Variants in RBFOX1 observed in about 807,000 individuals in gnomAD.
The protein encoded by RBFOX1 is RNA binding protein fox-1 homolog 1.
RBFOX1 carries 8 observed loss-of-function variants against 57.7 expected under a neutral mutation model. That is an observed-to-expected ratio of 0.14 (90% CI 0.08 to 0.25). RBFOX1 has a LOEUF of 0.25. Among genes scored for constraint, RBFOX1 ranks in the 10% least tolerant of loss-of-function variants. The pLI is 1.00. For missense variants in RBFOX1, 611 were observed against 548.5 expected, an observed-to-expected ratio of 1.11 and a Z score of -1.14; for synonymous variants, 326 against 222.4, an observed-to-expected ratio of 1.47 and a Z score of -4.15.
intron 4 of RBFOX1, among the ~76,000 whole-genome samples, chr16:7,184,469 T>G (rs991321604): frequency 1.3e-5 from 2 of 152,242 alleles, no homozygotes; most frequent in African/African-American, 4.8e-5. Flanking sequence ...CTGCATTGCA[T>G]GCATGTTTTT....
At chr16:6,918,333 C>G (rs912109157) in intron 3 of RBFOX1, among the ~76,000 whole-genome samples, 8 of 151,514 alleles carry the variant, frequency 5.3e-5, no homozygotes, top group Non-Finnish European at 1.2e-4. Context: ...CCAGGCCTAC[C>G]GAATCAGACC....
In RBFOX1 at chr16:7,683,033, T is replaced by TATATATATATATAA. The variant is rs374375329; in HGVS notation, c.995+6196_995+6197insTATATATATATAAA. Among the ~76,000 whole-genome samples, 184 of 25,794 alleles carry TATATATATATATAA rather than the reference T, an allele frequency of 7.1e-3. 10 individuals are homozygous for TATATATATATATAA. Among genetic ancestry groups the TATATATATATATAA allele is most frequent in the Middle Eastern group, 0.017 (1 of 58 alleles). 16.9% of individuals were successfully genotyped at this position (25,794 alleles called of 152,430 possible). A position where few individuals can be genotyped will look rare whatever the true frequency, so the allele number is the denominator to read the frequency against. ...GTGTATATATATATATATATATATA[T>TATATATATATATAA]AAAACAGTGCTCCTCTTAAAGTGAT... On this transcript the variant is annotated intron_variant, in intron 14 of 15. Coordinates refer to ENST00000550418, the MANE Select transcript of RBFOX1 (RefSeq NM_018723.4).
At chr16:7,696,891 C>T (rs2078970283) in intron 14 of RBFOX1, among the ~76,000 whole-genome samples, 1 of 152,046 alleles carries the variant, frequency 6.6e-6, no homozygotes, top group Non-Finnish European at 1.5e-5. Context: ...GGTGCAGAGA[C>T]CCTGTGGTTG....
chr16:7,133,801 C>T (rs1263890859), intron 4 of RBFOX1, among the ~76,000 whole-genome samples: 1 of 152,038 alleles, frequency 6.6e-6, no homozygotes, highest in Non-Finnish European at 1.5e-5. Context: ...GAATGACTGA[C>T]ACAGCTTCTT....
intron 3 of RBFOX1, among the ~76,000 whole-genome samples, chr16:5,833,426 C>A (rs150198897): frequency 0.018 from 2,665 of 144,680 alleles, 74 homozygotes; most frequent in African/African-American, 0.063. Context: ...ACCCGGGAGG[C>A]GGAGCTTGCC....
intron 1 of RBFOX1, among the ~76,000 whole-genome samples, chr16:6,119,098 C>T (rs1046507337): frequency 2.0e-5 from 3 of 150,982 alleles, no homozygotes; most frequent in Admixed American, 6.6e-5. Context: ...ATAATATGTC[C>T]GAGTGTCAGT....
intron 2 of RBFOX1, among the ~76,000 whole-genome samples, chr16:5,526,491 G>C (rs537903697): frequency 1.3e-5 from 2 of 152,188 alleles, no homozygotes; most frequent in Admixed American, 1.3e-4. Context: ...GTTTTACCAT[G>C]TTGACCAGGC....
chr16:5,713,213 C>CT (rs1171817094), intron 3 of RBFOX1, among the ~76,000 whole-genome samples: 2 of 152,146 alleles, frequency 1.3e-5, no homozygotes, highest in Admixed American at 1.3e-4. Flanking sequence ...GGGCTAATTT[C>CT]TTTTGTTACT....
rs138034481 is a variant in RBFOX1, at chr16:5,888,548, C to A, written c.351+21213C>A. 3.1e-3 allele frequency among the ~76,000 whole-genome samples: 478 copies of A among 152,182 alleles called. 4 individuals carry two copies. Among genetic ancestry groups the A allele is most frequent in the Admixed American group, 5.0e-3 (76 of 15,288 alleles). ...CAGTGGCTCACGCCTGTAATCCCAG[C>A]ACTTTGGGAGACTGAGTTGGGCAGA... is the stretch of plus-strand genomic sequence containing the variant. On this transcript the variant is annotated intron_variant, in intron 4 of 19. Transcript: ENST00000641259.
chr16:6,616,416 C>T (rs989026307), intron 2 of RBFOX1, among the ~76,000 whole-genome samples: 27 of 151,870 alleles, frequency 1.8e-4, no homozygotes, highest in Non-Finnish European at 3.2e-4. Flanking sequence ...ATGGCTCACG[C>T]CTGTAATCCC....
intron 3 of RBFOX1, among the ~76,000 whole-genome samples, chr16:5,840,464 A>G (rs1257574292): frequency 6.6e-6 from 1 of 152,152 alleles, no homozygotes; most frequent in Admixed American, 6.5e-5. Flanking sequence ...TTTTGTGCTG[A>G]TAGGCCTGGC....
chr16:6,846,754 C>T (rs2093776198), intron 3 of RBFOX1, among the ~76,000 whole-genome samples: 1 of 152,082 alleles, frequency 6.6e-6, no homozygotes, highest in Non-Finnish European at 1.5e-5. Context: ...AAAATTAGGT[C>T]ATTTGTCTTT....
At chr16:6,528,371 C>A (rs796830858) in intron 2 of RBFOX1, among the ~76,000 whole-genome samples, 5 of 152,292 alleles carry the variant, frequency 3.3e-5, no homozygotes, top group African/African-American at 1.2e-4. Flanking sequence ...GTCTCCAACA[C>A]ATTATAAATA....
chr16:6,172,227 G>C (rs1426312080), intron 1 of RBFOX1, among the ~76,000 whole-genome samples: 1 of 152,272 alleles, frequency 6.6e-6, no homozygotes, highest in South Asian at 2.1e-4. Flanking sequence ...CAGCCTGTGA[G>C]CTAAGATGTC....
intron 1 of RBFOX1, among the ~76,000 whole-genome samples, chr16:6,245,769 G>A (rs1170559301): frequency 1.3e-5 from 2 of 152,150 alleles, no homozygotes; most frequent in African/African-American, 4.8e-5. Context: ...ACTCAGCAGT[G>A]AAACAAGAAT....
At chr16:5,253,040 G>A (rs936857020) in intron 1 of RBFOX1, among the ~76,000 whole-genome samples, 5 of 152,166 alleles carry the variant, frequency 3.3e-5, no homozygotes, top group East Asian at 1.9e-4. Flanking sequence ...TGAGGTGCTC[G>A]CAAAGAGCCG....
chr16:7,224,521 G>T (rs1318471), intron 4 of RBFOX1, among the ~76,000 whole-genome samples: 41,973 of 151,984 alleles, frequency 0.28, 7,444 homozygotes, highest in East Asian at 0.66. Flanking sequence ...GCCCCTCAGT[G>T]CCTCTGATTT....
intron 4 of RBFOX1, among the ~76,000 whole-genome samples, chr16:7,442,413 G>T (rs570204825): frequency 6.6e-6 from 1 of 152,244 alleles, no homozygotes; most frequent in African/African-American, 2.4e-5. Context: ...TCTGGGCCCT[G>T]CAACTCTGTG....
rs1427813741 is a variant in RBFOX1, at chr16:6,433,080, A to T, written c.-64+116023A>T. ...GGGCTGTTGATTTGGGAACAGAGAG[A>T]AAGTCAGGGGAGAAAGTCAGGAGCT... is the stretch of plus-strand genomic sequence containing the variant. On this transcript the variant is annotated intron_variant, in intron 2 of 15. Coordinates refer to ENST00000550418, the MANE Select transcript of RBFOX1 (RefSeq NM_018723.4). 2.0e-5 allele frequency among the ~76,000 whole-genome samples: 3 copies of T among 152,294 alleles called. No homozygotes were observed. The East Asian group carries it at 5.8e-4, about 29-fold the overall frequency.
Sources: allele counts gnomAD v4.1 joint callset (sites outside exome capture counted in the v4.1 genomes callset), GRCh38; gene constraint gnomAD v4.1.1; transcripts MANE v1.5; gene names NCBI Gene and HGNC (gene_info 2026-07-23, HGNC 2026-07-21).